Variants in NAALADL2 observed in about 807,000 individuals in gnomAD.
NAALADL2 encodes N-acetylated alpha-linked acidic dipeptidase like 2.
NAALADL2 carries 76 observed loss-of-function variants against 87.2 expected under a neutral mutation model. The observed-to-expected ratio is 0.87, with a 90% CI of 0.72 to 1.05. The LOEUF is 1.05. NAALADL2 is among the 50% of genes least tolerant of loss of function. The pLI is 0.00. For missense variants in NAALADL2, 1,089 were observed against 945.8 expected (o/e 1.15, Z -1.99); for synonymous variants, 354 against 331.0 (o/e 1.07, Z -0.75).
intron 2 of NAALADL2, among the ~76,000 whole-genome samples, chr3:174,736,420 G>A (rs1733203853): frequency 6.6e-6 from 1 of 152,078 alleles, no homozygotes; most frequent in Non-Finnish European, 1.5e-5. Context: ...CCCACATTGG[G>A]TAGCTCCTCT....
At chr3:175,529,404 C>G (rs1183899134) in intron 9 of NAALADL2, among the ~76,000 whole-genome samples, 1 of 152,132 alleles carries the variant, frequency 6.6e-6, no homozygotes, top group African/African-American at 2.4e-5. Context: ...GAACAGGAAG[C>G]AAACAGTTTA....
chr3:174,753,788 C>T (rs1711584206), intron 3 of NAALADL2, among the ~76,000 whole-genome samples: 1 of 152,134 alleles, frequency 6.6e-6, no homozygotes, highest in Admixed American at 6.5e-5. Flanking sequence ...ATGTTGAAGT[C>T]CTAACCCCCA....
At chr3:174,486,934 T>C (rs1353544913) in intron 1 of NAALADL2, among the ~76,000 whole-genome samples, 1 of 152,010 alleles carries the variant, frequency 6.6e-6, no homozygotes, top group Non-Finnish European at 1.5e-5. Flanking sequence ...AGCTGCCACC[T>C]TCTTATGCCC....
At chr3:175,054,165 C>T (rs1357864428) in intron 1 of NAALADL2, among the ~76,000 whole-genome samples, 4 of 152,222 alleles carry the variant, frequency 2.6e-5, no homozygotes, top group South Asian at 2.1e-4. Flanking sequence ...CTACAAGCTC[C>T]GCTTTTTGAG....
At chr3:174,980,492 C>A (rs1744967030) in intron 1 of NAALADL2, among the ~76,000 whole-genome samples, 2 of 152,118 alleles carry the variant, frequency 1.3e-5, no homozygotes, top group African/African-American at 4.8e-5. Context: ...TCCTGGGAAA[C>A]ATAGTGAGAA....
At chr3:175,111,797 C>T (rs1484889165) in intron 2 of NAALADL2, among the ~76,000 whole-genome samples, 1 of 151,554 alleles carries the variant, frequency 6.6e-6, no homozygotes, top group East Asian at 1.9e-4. Flanking sequence ...TTCATATTCC[C>T]TGTAGTGCCA....
chr3:175,256,958 G>C (rs1202970685), intron 4 of NAALADL2: 2 of 152,180 alleles, frequency 1.3e-5, no homozygotes, highest in Non-Finnish European at 2.9e-5. Context: ...GTATCTAGAT[G>C]ATTTACACCC....
At chr3:174,923,012 A>G (rs575793005) in intron 1 of NAALADL2, among the ~76,000 whole-genome samples, 4 of 152,248 alleles carry the variant, frequency 2.6e-5, no homozygotes, top group East Asian at 3.9e-4. Context: ...AGATTATGCA[A>G]ACCTGAAGTT....
chr3:175,116,357 C>A (rs1197608435), intron 2 of NAALADL2, among the ~76,000 whole-genome samples: 5 of 152,064 alleles, frequency 3.3e-5, no homozygotes, highest in Admixed American at 3.3e-4. Flanking sequence ...CCAAAATTTC[C>A]TTATGCTGAT....
At chr3:175,034,179 C>A (rs1442150623) in intron 1 of NAALADL2, among the ~76,000 whole-genome samples, 1 of 152,098 alleles carries the variant, frequency 6.6e-6, no homozygotes, top group African/African-American at 2.4e-5. Context: ...CTTTGACACT[C>A]CATTTAATAA....
At chr3:174,728,890 AG>A (rs1189127063) in intron 2 of NAALADL2, among the ~76,000 whole-genome samples, 6 of 152,214 alleles carry the variant, frequency 3.9e-5, no homozygotes, top group Admixed American at 3.9e-4. Flanking sequence ...AGAAAAGCAT[AG>A]TAGTCTATTG....
intron 3 of NAALADL2, among the ~76,000 whole-genome samples, chr3:174,804,165 T>C (rs1419968194): frequency 6.6e-6 from 1 of 152,176 alleles, no homozygotes. Flanking sequence ...TTTGTAGTTC[T>C]CCTTGAGGAG....
rs1006523022 is a variant in NAALADL2, at chr3:175,627,474, G to A, written c.1896+88G>A. 3 of 788,480 alleles carry A rather than the reference G, an allele frequency of 3.8e-6. No homozygotes were observed. The Admixed American group carries it at 8.7e-5, about 23-fold the overall frequency. The allele number at this position is 788,480 out of a possible 1,614,324, so 48.8% of individuals were successfully genotyped here. ...AGCAAAGGAACATAACCAATCAAGAGCAATCCGTATATTTTCATTTGTAGA... is the reference window on the plus strand; with the variant it reads ...AGCAAAGGAACATAACCAATCAAGAACAATCCGTATATTTTCATTTGTAGA... On this transcript the variant is annotated intron_variant, in intron 11 of 13. Coordinates refer to ENST00000454872, the MANE Select transcript of NAALADL2 (RefSeq NM_207015.3).
intron 2 of NAALADL2, among the ~76,000 whole-genome samples, chr3:175,160,806 A>G (rs1189583510): frequency 6.6e-6 from 1 of 152,186 alleles, no homozygotes; most frequent in African/African-American, 2.4e-5. Context: ...TTCGGGAGAT[A>G]TCAAATTTTT....
At chr3:174,930,930 C>T (rs1264041079) in intron 1 of NAALADL2, among the ~76,000 whole-genome samples, 1 of 151,846 alleles carries the variant, frequency 6.6e-6, no homozygotes, top group Non-Finnish European at 1.5e-5. Context: ...CCAAGATGAA[C>T]ATTTTAAATG....
At chr3:175,177,888 C>T (rs191205499) in intron 2 of NAALADL2, among the ~76,000 whole-genome samples, 1 of 151,630 alleles carries the variant, frequency 6.6e-6, no homozygotes, top group Admixed American at 6.6e-5. Context: ...ACAAAATAAT[C>T]TAAAAGCAGC....
At chr3:174,746,475 G>T (rs1734263213) in intron 3 of NAALADL2, among the ~76,000 whole-genome samples, 1 of 151,974 alleles carries the variant, frequency 6.6e-6, no homozygotes, top group African/African-American at 2.4e-5. Flanking sequence ...TGGGTAGGAA[G>T]AATCAATATT....
chr3:174,698,037 G>C (rs1322433008), intron 2 of NAALADL2, among the ~76,000 whole-genome samples: 1 of 152,116 alleles, frequency 6.6e-6, no homozygotes, highest in African/African-American at 2.4e-5. Flanking sequence ...GTTGCAGTGA[G>C]CCAAGATCCT....
chr3:174,454,516 G>T (rs373113988), intron 1 of NAALADL2, among the ~76,000 whole-genome samples: 1 of 152,062 alleles, frequency 6.6e-6, no homozygotes, highest in Admixed American at 6.6e-5. Flanking sequence ...AAATGCAAAA[G>T]AATTGAAATC....
Sources: gnomAD v4.1 joint callset for allele counts (sites outside exome capture counted in the v4.1 genomes callset) on GRCh38, gnomAD v4.1.1 for gene constraint, MANE v1.5 for transcripts, NCBI Gene and HGNC (gene_info 2026-07-23, HGNC 2026-07-21) for gene names.